DTNB: variants seen among roughly 807,000 people sequenced by gnomAD.
The protein encoded by DTNB is DTN-B.
Under a neutral mutation model 90.7 loss-of-function variants are expected in DTNB, and 63 were observed. That is an observed-to-expected ratio of 0.69 (90% confidence interval 0.57 to 0.86). The LOEUF is 0.86. Ranked by LOEUF, DTNB falls within the 40% of genes least tolerant of loss-of-function variation. DTNB has a pLI of 0.00. For missense variants in DTNB, 744 were observed against 807.1 expected (o/e 0.92, Z 0.95); for synonymous variants, 277 against 286.7 (o/e 0.97, Z 0.34).
chr2:25,640,233 T>C (rs1287385711), intron 2 of DTNB, among the ~76,000 whole-genome samples: 1 of 152,208 alleles, frequency 6.6e-6, no homozygotes. Flanking sequence ...CCACTGTAGA[T>C]AGGATTGGCC....
intron 11 of DTNB, among the ~76,000 whole-genome samples, chr2:25,452,728 AT>A (rs1241241704): frequency 1.3e-5 from 2 of 150,582 alleles, no homozygotes; most frequent in African/African-American, 2.4e-5. Context: ...AATCAACTAT[AT>A]TTTTTCTAGT....
chr2:25,555,342 TA>T (rs1436622547), intron 8 of DTNB, among the ~76,000 whole-genome samples: 2 of 150,924 alleles, frequency 1.3e-5, no homozygotes, highest in African/African-American at 4.9e-5. Flanking sequence ...AGCAAAATGT[TA>T]AAAAGCCAAT....
At chr2:25,441,868 G>T (rs2057469646) in intron 12 of DTNB, among the ~76,000 whole-genome samples, 1 of 152,122 alleles carries the variant, frequency 6.6e-6, no homozygotes, top group Non-Finnish European at 1.5e-5. Flanking sequence ...GAAATGAAAA[G>T]AAGGTTTCCT....
chr2:25,430,799 T>A (rs943764471), intron 14 of DTNB, among the ~76,000 whole-genome samples: 4 of 152,204 alleles, frequency 2.6e-5, no homozygotes, highest in Non-Finnish European at 4.4e-5. Flanking sequence ...TCAAATAGGA[T>A]GTGGGTTTAT....
chr2:25,433,284 T>C (rs576669152), intron 13 of DTNB, among the ~76,000 whole-genome samples: 1 of 152,328 alleles, frequency 6.6e-6, no homozygotes, highest in South Asian at 2.1e-4. Context: ...CTTTATTTAC[T>C]CCGTTCCACT....
intron 1 of DTNB, chr2:25,652,918 G>A: frequency 3.1e-6 from 1 of 321,644 alleles, no homozygotes; most frequent in Non-Finnish European, 5.6e-6. Context: ...ATATGGGGCT[G>A]ACTTACTTCT....
At chr2:25,429,894 AAG>A (rs1381979694) in intron 14 of DTNB, among the ~76,000 whole-genome samples, 2 of 152,124 alleles carry the variant, frequency 1.3e-5, no homozygotes, top group African/African-American at 4.8e-5. Flanking sequence ...TCTTAGTTCC[AAG>A]ACTCTTTCCC....
At chr2:25,588,330 G>T (rs1018621186) in intron 6 of DTNB, among the ~76,000 whole-genome samples, 8 of 151,178 alleles carry the variant, frequency 5.3e-5, no homozygotes. Flanking sequence ...TAACAACATT[G>T]TCTTTAATGC....
intron 8 of DTNB, among the ~76,000 whole-genome samples, chr2:25,533,119 T>C (rs1274783042): frequency 6.6e-6 from 1 of 150,450 alleles, no homozygotes; most frequent in Non-Finnish European, 1.5e-5. Context: ...AGCCCAGGAG[T>C]TTGAGATCAG....
At chr2:25,566,190 G>A (rs185270370) in intron 8 of DTNB, among the ~76,000 whole-genome samples, 1 of 152,172 alleles carries the variant, frequency 6.6e-6, no homozygotes, top group Non-Finnish European at 1.5e-5. Flanking sequence ...CTGCCTATGG[G>A]GGGCCACATG....
chr2:25,573,719 T>C (rs1457780919), intron 8 of DTNB, among the ~76,000 whole-genome samples: 2 of 152,204 alleles, frequency 1.3e-5, no homozygotes, highest in African/African-American at 2.4e-5. Flanking sequence ...GTTACCACTA[T>C]ATAACATGGG....
intron 5 of DTNB, among the ~76,000 whole-genome samples, chr2:25,598,199 CCCTTCCT>C: frequency 6.6e-6 from 1 of 152,228 alleles, no homozygotes; most frequent in East Asian, 1.9e-4. Context: ...GTTCCTTATT[CCCTTCCT>C]CCTTCTTCTA....
chr2:25,605,836 T>C (rs2066983393), intron 5 of DTNB, among the ~76,000 whole-genome samples: 1 of 152,192 alleles, frequency 6.6e-6, no homozygotes, highest in African/African-American at 2.4e-5. Context: ...AAAAACATAT[T>C]TTTATATTTT....
intron 8 of DTNB, among the ~76,000 whole-genome samples, chr2:25,541,368 G>A (rs905530583): frequency 1.3e-5 from 2 of 152,068 alleles, no homozygotes; most frequent in Non-Finnish European, 2.9e-5. Context: ...TGTAATCCCA[G>A]CTACTTGGGA....
chr2:25,527,295 G>C lies in DTNB; in HGVS notation c.1001+4178C>G, dbSNP rs182347939. Among the ~76,000 whole-genome samples the C allele has an allele frequency of 2.4e-3, 366 of 152,248 alleles. 3 individuals carry two copies. Among genetic ancestry groups the C allele is most frequent in the African/African-American group, 8.5e-3 (352 of 41,558 alleles). On this transcript the variant is annotated intron_variant, in intron 9 of 20. Transcript: ENST00000406818. ...TCCCAGCACTTTGGGAGGCCAAAAG[G>C]GGGTGGATCAAGAGGTCAAGAGATC... is the stretch of plus-strand genomic sequence containing the variant.
intron 10 of DTNB, among the ~76,000 whole-genome samples, chr2:25,475,710 T>C (rs990803676): frequency 6.6e-6 from 1 of 152,212 alleles, no homozygotes; most frequent in African/African-American, 2.4e-5. Context: ...AGGCTGATTC[T>C]CTTGCTGGGG....
At chr2:25,456,813 CT>C (rs1296573603) in intron 10 of DTNB, among the ~76,000 whole-genome samples, 1 of 152,012 alleles carries the variant, frequency 6.6e-6, no homozygotes, top group Non-Finnish European at 1.5e-5. Context: ...AGTGATCTCC[CT>C]GCCTCAGCTT....
At chr2:25,397,328 ACT>A (rs777621364) in intron 16 of DTNB, among the ~76,000 whole-genome samples, 1 of 142,064 alleles carries the variant, frequency 7.0e-6, no homozygotes, top group East Asian at 2.0e-4. Context: ...ACAGAAAGAG[ACT>A]CTGTCTCAAA....
At chr2:25,439,731 C>T (rs919032622) in intron 12 of DTNB, among the ~76,000 whole-genome samples, 14 of 152,020 alleles carry the variant, frequency 9.2e-5, no homozygotes, top group East Asian at 1.9e-4. Context: ...TTTTACTATA[C>T]CTTTATTTTC....
Sources: gnomAD v4.1 joint callset for allele counts (sites outside exome capture counted in the v4.1 genomes callset) on GRCh38, gnomAD v4.1.1 for gene constraint, MANE v1.5 for transcripts, NCBI Gene and HGNC (gene_info 2026-07-23, HGNC 2026-07-21) for gene names.